The following KCNJ6 variants were observed in gnomAD, a reference collection of about 807,000 sequenced individuals.
The protein encoded by KCNJ6 is G protein-activated inward rectifier potassium channel 2.
KCNJ6 carries 9 observed loss-of-function variants against 34.2 expected under a neutral mutation model. That is an observed-to-expected ratio of 0.26 (90% CI 0.16 to 0.46). The LOEUF (loss-of-function observed/expected upper bound fraction) is 0.46. Ranked by LOEUF, KCNJ6 falls within the 20% of genes least tolerant of loss-of-function variation. KCNJ6 has a pLI of 1.00. For missense variants in KCNJ6, 236 were observed against 531.3 expected (o/e 0.44, Z 5.46); for synonymous variants, 196 against 207.1 (o/e 0.95, Z 0.46).
chr21:37,742,459 A>C (rs2054945803), intron 2 of KCNJ6, among the ~76,000 whole-genome samples: 2 of 152,238 alleles, frequency 1.3e-5, no homozygotes, highest in African/African-American at 4.8e-5. Context: ...GTTCTGGATT[A>C]TAAAGATGGT....
At chr21:37,716,763 C>T (rs773899240) in intron 2 of KCNJ6, among the ~76,000 whole-genome samples, 12 of 152,164 alleles carry the variant, frequency 7.9e-5, no homozygotes, top group Admixed American at 2.0e-4. Flanking sequence ...TCTCCTAAAA[C>T]TTGAGTGCAG....
At chr21:37,895,831 G>T (rs1234080467) in intron 1 of KCNJ6, among the ~76,000 whole-genome samples, 1 of 152,192 alleles carries the variant, frequency 6.6e-6, no homozygotes, top group Non-Finnish European at 1.5e-5. Flanking sequence ...AAGCCTTATT[G>T]TAAAATGTTG....
chr21:37,907,578 A>C (rs1391083487), intron 1 of KCNJ6, among the ~76,000 whole-genome samples: 2 of 152,180 alleles, frequency 1.3e-5, no homozygotes, highest in African/African-American at 2.4e-5. Flanking sequence ...AAATGCAGAG[A>C]AGACAGATCA....
At chr21:37,712,930 A>C (rs954994915) in intron 3 of KCNJ6, among the ~76,000 whole-genome samples, 2 of 152,074 alleles carry the variant, frequency 1.3e-5, no homozygotes, top group East Asian at 3.9e-4. Flanking sequence ...TATTCTTTAA[A>C]GCTACTTTCC....
intron 1 of KCNJ6, among the ~76,000 whole-genome samples, chr21:37,914,001 G>A (rs2055879920): frequency 6.9e-6 from 1 of 145,794 alleles, no homozygotes; most frequent in South Asian, 2.3e-4. Context: ...CGTCAGAGGC[G>A]GATCGGGGTG....
chr21:37,780,531 C>T (rs967714778), intron 2 of KCNJ6, among the ~76,000 whole-genome samples: 1 of 150,360 alleles, frequency 6.7e-6, no homozygotes, highest in Non-Finnish European at 1.5e-5. Context: ...AAATGTTCCA[C>T]ACGAATGCAA....
chr21:37,800,991 G>T (rs181976657), intron 2 of KCNJ6, among the ~76,000 whole-genome samples: 8 of 152,310 alleles, frequency 5.3e-5, no homozygotes, highest in Non-Finnish European at 1.0e-4. Context: ...GACGGATGTT[G>T]GGGATAAGGG....
chr21:37,849,685 T>C (rs1159899952), intron 1 of KCNJ6, among the ~76,000 whole-genome samples: 3 of 152,168 alleles, frequency 2.0e-5, no homozygotes, highest in Non-Finnish European at 4.4e-5. Flanking sequence ...CTGAACACAT[T>C]GCATTGCTTC....
Position 37,617,048 on chromosome 21 carries a change from C to CTTTCTTTCT in KCNJ6, c.*8110_*8111insAGAAAGAAA, listed in dbSNP as rs1430185515. ...TCTTTCTTTCTTTCTTTCTTTCTTT[C>CTTTCTTTCT]TTTCTTTTCTTTTCTTTTCTTTTCT... is the stretch of plus-strand genomic sequence containing the variant. On this transcript the variant is annotated 3_prime_UTR_variant, in exon 4 of 4. Transcript: ENST00000609713. The CTTTCTTTCT allele has an allele frequency of 1.2e-3, 85 of 70,148 alleles. 1 individual carries two copies. The highest frequency in any genetic ancestry group is 6.8e-3 in the Middle Eastern group (1 of 146). 4.3% of individuals were successfully genotyped at this position (70,148 alleles called of 1,614,324 possible). A position where few individuals can be genotyped will look rare whatever the true frequency, so the allele number is the denominator to read the frequency against.
At chr21:37,640,164 T>C (rs2054374761) in intron 3 of KCNJ6, among the ~76,000 whole-genome samples, 2 of 152,242 alleles carry the variant, frequency 1.3e-5, no homozygotes, top group Admixed American at 1.3e-4. Context: ...AGAAACTGAA[T>C]AATAGGTTCC....
intron 2 of KCNJ6, among the ~76,000 whole-genome samples, chr21:37,745,072 GTTTTTTT>G (rs58661633): frequency 1.7e-4 from 15 of 89,462 alleles, no homozygotes; most frequent in African/African-American, 5.0e-4. Context: ...AACGTTGCTG[GTTTTTTT>G]TTTTTTTTTT....
intron 1 of KCNJ6, among the ~76,000 whole-genome samples, chr21:37,893,989 T>C (rs771390349): frequency 9.2e-5 from 14 of 152,214 alleles, no homozygotes; most frequent in Non-Finnish European, 1.8e-4. Flanking sequence ...CCTTCTGCAA[T>C]CTTAACATGA....
chr21:37,649,711 A>G (rs2054423647), intron 3 of KCNJ6, among the ~76,000 whole-genome samples: 1 of 152,218 alleles, frequency 6.6e-6, no homozygotes, highest in Non-Finnish European at 1.5e-5. Context: ...ACCGAAGCAC[A>G]AAACTGGGAG....
chr21:37,808,756 G>A (rs2055306180), intron 2 of KCNJ6, among the ~76,000 whole-genome samples: 1 of 152,166 alleles, frequency 6.6e-6, no homozygotes, highest in African/African-American at 2.4e-5. Flanking sequence ...CATACAAAGG[G>A]GCATTGGCTC....
At chr21:37,884,226 C>T (rs1287699421) in intron 1 of KCNJ6, among the ~76,000 whole-genome samples, 1 of 152,192 alleles carries the variant, frequency 6.6e-6, no homozygotes, top group Non-Finnish European at 1.5e-5. Context: ...TTCCGCACCT[C>T]ACATCCATCT....
At chr21:37,632,569 C>G (rs1278901495) in intron 3 of KCNJ6, among the ~76,000 whole-genome samples, 1 of 151,942 alleles carries the variant, frequency 6.6e-6, no homozygotes, top group Non-Finnish European at 1.5e-5. Flanking sequence ...TCAATAAAGG[C>G]AAAAGTTGTT....
intron 1 of KCNJ6, among the ~76,000 whole-genome samples, chr21:37,899,782 T>G (rs1387610914): frequency 6.6e-6 from 1 of 152,194 alleles, no homozygotes; most frequent in East Asian, 1.9e-4. Context: ...GGGAAAACAG[T>G]AAGTTCCCTT....
intron 3 of KCNJ6, among the ~76,000 whole-genome samples, chr21:37,662,391 A>G (rs748632192): frequency 6.6e-6 from 1 of 152,150 alleles, no homozygotes; most frequent in Non-Finnish European, 1.5e-5. Context: ...GCTAAGGATA[A>G]TGGCTTCCAT....
chr21:37,795,974 A>G (rs138653690), intron 2 of KCNJ6, among the ~76,000 whole-genome samples: 3 of 152,196 alleles, frequency 2.0e-5, no homozygotes, highest in African/African-American at 4.8e-5. Context: ...TTGATGTATT[A>G]TAATAGAGTC....
Sources: gnomAD v4.1 joint callset for allele counts (sites outside exome capture counted in the v4.1 genomes callset) on GRCh38, gnomAD v4.1.1 for gene constraint, MANE v1.5 for transcripts, NCBI Gene and HGNC (gene_info 2026-07-23, HGNC 2026-07-21) for gene names.